The following REEP3 variants were observed in gnomAD, a reference collection of about 807,000 sequenced individuals.
REEP3 encodes receptor expression-enhancing protein 3.
Under a neutral mutation model 41.3 loss-of-function variants are expected in REEP3, and 20 were observed. The ratio of observed to expected loss-of-function variants is 0.48; its 90% confidence interval spans 0.34 to 0.70. REEP3 has a LOEUF of 0.70. REEP3 is among the 30% of genes least tolerant of loss of function. REEP3 has a pLI of 0.01. For missense variants in REEP3, 271 were observed against 308.8 expected (o/e 0.88, Z 0.92); for synonymous variants, 104 against 101.8 (o/e 1.02, Z -0.13).
intron 5 of REEP3, among the ~76,000 whole-genome samples, chr10:63,600,377 G>A (rs1163698198): frequency 6.6e-6 from 1 of 152,080 alleles, no homozygotes; most frequent in Non-Finnish European, 1.5e-5. Context: ...TAACTATGCA[G>A]CACTATACAT....
intron 1 of REEP3, among the ~76,000 whole-genome samples, chr10:63,564,335 A>G (rs1463383367): frequency 6.6e-6 from 1 of 152,184 alleles, no homozygotes; most frequent in Non-Finnish European, 1.5e-5. Context: ...TCAGAAACAC[A>G]CATTAGGCCA....
intron 5 of REEP3, among the ~76,000 whole-genome samples, chr10:63,608,957 T>G (rs932774374): frequency 1.3e-5 from 2 of 152,232 alleles, no homozygotes; most frequent in African/African-American, 4.8e-5. Flanking sequence ...GCCTAGTGTC[T>G]GCCATATTGT....
At chr10:63,523,773 T>C (rs1165353523) in intron 1 of REEP3, among the ~76,000 whole-genome samples, 2 of 152,198 alleles carry the variant, frequency 1.3e-5, no homozygotes, top group Admixed American at 1.3e-4. Flanking sequence ...CGTGAGGGAC[T>C]CGGGTGGGGA....
chr10:63,572,877 T>A (rs942564530), intron 2 of REEP3, among the ~76,000 whole-genome samples: 1 of 152,210 alleles, frequency 6.6e-6, no homozygotes, highest in Non-Finnish European at 1.5e-5. Flanking sequence ...TAAGTAAATA[T>A]CAAATATTGT....
At chr10:63,591,716 T>A (rs1051998874) in intron 2 of REEP3, among the ~76,000 whole-genome samples, 1 of 152,224 alleles carries the variant, frequency 6.6e-6, no homozygotes, top group African/African-American at 2.4e-5. Flanking sequence ...ATTTGATGAC[T>A]TCATCTGAAA....
At chr10:63,556,477 C>T (rs1589865456) in intron 1 of REEP3, among the ~76,000 whole-genome samples, 1 of 42,982 alleles carries the variant, frequency 2.3e-5, no homozygotes. Context: ...AGAACTAATA[C>T]TCAAACAGAA....
chr10:63,534,658 G>C (rs1955458129), intron 1 of REEP3, among the ~76,000 whole-genome samples: 1 of 152,176 alleles, frequency 6.6e-6, no homozygotes, highest in Non-Finnish European at 1.5e-5. Context: ...GTACCCAATT[G>C]CCTCAGATTT....
At chr10:63,579,082 G>C (rs987935300) in intron 2 of REEP3, among the ~76,000 whole-genome samples, 16 of 150,146 alleles carry the variant, frequency 1.1e-4, no homozygotes, top group Non-Finnish European at 1.5e-4. Flanking sequence ...ACCCAGGCTA[G>C]AGTGCAATGG....
chr10:63,568,139 C>T (rs540330620), intron 2 of REEP3, among the ~76,000 whole-genome samples: 3 of 152,112 alleles, frequency 2.0e-5, no homozygotes, highest in South Asian at 2.1e-4. Context: ...AAATACTTTG[C>T]GTATTGTTTT....
In REEP3 at chr10:63,528,167, A is replaced by G. The variant is rs181917432; in HGVS notation, c.32+6590A>G. ...GATCTCTCTGCTGAACTCTGTGATC[A>G]TATTTTCAGCTGCGTTCTTTGCTCC... On this transcript the variant is annotated intron_variant, in intron 1 of 7. Transcript: ENST00000373758. Among the ~76,000 whole-genome samples, 261 of 152,220 alleles carry G rather than the reference A, an allele frequency of 1.7e-3. 2 individuals are homozygous for G. Among genetic ancestry groups the G allele is most frequent in the African/African-American group, 6.1e-3 (252 of 41,544 alleles).
At chr10:63,607,986 G>A (rs1956244195) in intron 5 of REEP3, among the ~76,000 whole-genome samples, 1 of 152,176 alleles carries the variant, frequency 6.6e-6, no homozygotes, top group African/African-American at 2.4e-5. Context: ...AATCGCATGT[G>A]AATTGAGTAA....
chr10:63,617,788 C>G (rs1174755618), intron 6 of REEP3, among the ~76,000 whole-genome samples: 1 of 146,594 alleles, frequency 6.8e-6, no homozygotes, highest in East Asian at 2.0e-4. Context: ...CGTGCCTTCT[C>G]CTAAGCCTGG....
In REEP3 at chr10:63,620,119, GAC is replaced by G. The variant is rs545945518; in HGVS notation, c.711+321_711+322del. Among the ~76,000 whole-genome samples, 14 of 151,606 alleles carry G rather than the reference GAC, an allele frequency of 9.2e-5. No homozygotes were observed. In the East Asian group the frequency reaches 2.7e-3, roughly 29 times the overall value. On this transcript the variant is annotated intron_variant, in intron 7 of 7. Transcript: ENST00000373758. ...GGCTAATTTTTTCATTTTTTGTAGA[GAC>G]AGGGTTTCACCATGTTGCCCAGGCT...
chr10:63,521,638 GA>G, intron 1 of REEP3, 61 bp downstream of exon 1: 3 of 1,272,518 alleles, frequency 2.4e-6, no homozygotes, highest in Admixed American at 3.1e-5. Context: ...GTGGGAAGGG[GA>G]AGGAGCCGAG....
At chr10:63,600,517 A>G (rs1444074578) in intron 5 of REEP3, among the ~76,000 whole-genome samples, 3 of 152,300 alleles carry the variant, frequency 2.0e-5, no homozygotes, top group Admixed American at 1.3e-4. Context: ...AGAAATAGCA[A>G]AGTTTTCAGC....
At chr10:63,606,372 C>T (rs1467640830) in intron 5 of REEP3, among the ~76,000 whole-genome samples, 1 of 148,400 alleles carries the variant, frequency 6.7e-6, no homozygotes, top group Non-Finnish European at 1.5e-5. Flanking sequence ...CTTTGTCTTT[C>T]TTTCTTTCTG....
intron 2 of REEP3, among the ~76,000 whole-genome samples, chr10:63,589,949 C>T (rs1956045009): frequency 6.6e-6 from 1 of 151,904 alleles, no homozygotes; most frequent in Non-Finnish European, 1.5e-5. Flanking sequence ...CACGCACTAC[C>T]ATGCCCGGCT....
intron 5 of REEP3, among the ~76,000 whole-genome samples, chr10:63,607,006 G>T (rs1024205137): frequency 6.6e-6 from 1 of 152,178 alleles, no homozygotes; most frequent in African/African-American, 2.4e-5. Flanking sequence ...AGCAAACATA[G>T]TTCCTTTATT....
chr10:63,536,743 A>G lies in REEP3; in HGVS notation c.32+15166A>G, dbSNP rs1299913204. ...AAGAGGAAACCAATGGCAACTAGACATATAAAAAGATAGACAAAACTCATT... is the reference window on the plus strand; with the variant it reads ...AAGAGGAAACCAATGGCAACTAGACGTATAAAAAGATAGACAAAACTCATT... On this transcript the variant is annotated intron_variant, in intron 1 of 7. Coordinates refer to ENST00000373758, the MANE Select transcript of REEP3 (RefSeq NM_001001330.3). Among the ~76,000 whole-genome samples the G allele has an allele frequency of 4.6e-5, 7 of 152,360 alleles. No individual in the cohort carries two copies. In the East Asian group the frequency reaches 1.2e-3, roughly 25 times the overall value.
Sources: allele counts gnomAD v4.1 joint callset (sites outside exome capture counted in the v4.1 genomes callset), GRCh38; gene constraint gnomAD v4.1.1; transcripts MANE v1.5; gene names NCBI Gene and HGNC (gene_info 2026-07-23, HGNC 2026-07-21).